Variants in WDR75 observed in about 807,000 individuals in gnomAD.
WDR75 encodes WD repeat-containing protein 75.
In WDR75, 52 loss-of-function variants were observed where a neutral mutation model predicts 106.1. The ratio of observed to expected loss-of-function variants is 0.49; its 90% confidence interval spans 0.39 to 0.62. The LOEUF (loss-of-function observed/expected upper bound fraction) is 0.62, where lower values mean the gene tolerates loss of function less well. Among genes scored for constraint, WDR75 ranks in the 20% least tolerant of loss-of-function variants. WDR75 has a pLI of 0.00. For synonymous variants in WDR75, 333 were observed against 335.5 expected (o/e 0.99, Z 0.08); for missense variants, 905 against 970.3 (o/e 0.93, Z 0.89).
chr2:189,470,908 A>G (rs756779071), intron 18 of WDR75, 30 bp downstream of exon 18: 80 of 1,540,718 alleles, frequency 5.2e-5, no homozygotes, highest in Non-Finnish European at 6.9e-5. Flanking sequence ...AGCAGGATGT[A>G]TTGCCTCCCT....
In WDR75 at chr2:189,470,830, A is replaced by G. The variant is rs146714129; in HGVS notation, c.2001A>G (p.Thr667=). 3.8e-6 allele frequency: 6 copies of G among 1,591,318 alleles called. No homozygotes were observed. The highest frequency in any genetic ancestry group is 5.1e-6 in the Non-Finnish European group (6 of 1,170,394). Residue 667 remains threonine (T), a synonymous_variant, in exon 18 of 21, where the codon ACA becomes ACG. Coordinates refer to ENST00000314761, the MANE Select transcript of WDR75 (RefSeq NM_032168.3). ...TTCTCTCTTTTCAGAGTTTATTGAC[A>G]TTCAGTACAAAGTCTCCAGAAGAAA... The part of the protein sequence containing the change: ...YFLTKSQSLL[T]FSTKSPEEKL...
chr2:189,465,029 GTATT>G, intron 11 of WDR75, 46 bp from the exon 12 acceptor site: 4 of 1,300,154 alleles, frequency 3.1e-6, no homozygotes, highest in Non-Finnish European at 4.3e-6. Context: ...TAACATTTGT[GTATT>G]TATGTTAATA....
chr2:189,457,247 A>C (rs947336163), intron 5 of WDR75, 64 bp from the exon 6 acceptor site: 80 of 1,213,826 alleles, frequency 6.6e-5, no homozygotes, highest in Non-Finnish European at 8.9e-5. Flanking sequence ...GTCTCAAAAA[A>C]AAAAGAAAAA....
At chr2:189,450,606 T>TA in intron 2 of WDR75, 1 of 1,165,406 alleles carries the variant, frequency 8.6e-7, no homozygotes, top group Non-Finnish European at 1.1e-6. Flanking sequence ...TGGCAGCCAC[T>TA]GCACCTTGGT....
intron 18 of WDR75, among the ~76,000 whole-genome samples, chr2:189,472,867 GTAT>G (rs760522174): frequency 4.0e-5 from 6 of 151,860 alleles, no homozygotes; most frequent in Non-Finnish European, 8.8e-5. Context: ...TGTATTATAT[GTAT>G]TATATACTGT....
intron 2 of WDR75, 53 bp downstream of exon 2, chr2:189,448,561 A>C: frequency 6.3e-7 from 1 of 1,580,008 alleles, no homozygotes. Context: ...TTCTTGACAG[A>C]AAAATTTGAG....
intron 1 of WDR75, 38 bp downstream of exon 1, chr2:189,441,616 G>C: frequency 6.5e-7 from 1 of 1,547,478 alleles, no homozygotes; most frequent in Non-Finnish European, 8.7e-7. Flanking sequence ...TGAGGGGCGG[G>C]GCGTGAGTTT....
At chr2:189,465,586 A>C (rs1462029676) in intron 12 of WDR75, among the ~76,000 whole-genome samples, 2 of 152,090 alleles carry the variant, frequency 1.3e-5, no homozygotes, top group Non-Finnish European at 2.9e-5. Context: ...GAAAAGAGGG[A>C]GTGTAGGTAG....
At chr2:189,453,792 T>C (rs1187643742) in intron 4 of WDR75, among the ~76,000 whole-genome samples, 1 of 148,700 alleles carries the variant, frequency 6.7e-6, no homozygotes, top group African/African-American at 2.4e-5. Flanking sequence ...ACATATATTA[T>C]ACATATATGT....
intron 8 of WDR75, 150 bp from the exon 9 acceptor site, chr2:189,462,334 A>G (rs997166573): frequency 4.8e-6 from 4 of 835,690 alleles, no homozygotes; most frequent in Non-Finnish European, 7.0e-6. Context: ...TTGTCTTCAG[A>G]GTATATTAAA....
intron 9 of WDR75, among the ~76,000 whole-genome samples, chr2:189,463,267 C>G (rs539565488): frequency 6.6e-6 from 1 of 152,118 alleles, no homozygotes; most frequent in African/African-American, 2.4e-5. Context: ...ATAGGCACAA[C>G]TGATAAAAAC....
intron 4 of WDR75, among the ~76,000 whole-genome samples, chr2:189,453,292 C>T (rs1456097544): frequency 6.6e-6 from 1 of 152,162 alleles, no homozygotes; most frequent in East Asian, 1.9e-4. Context: ...TGGTTGATCA[C>T]TAGGTTTGGG....
rs76761928 is a variant in WDR75, at chr2:189,467,541, C to T, written c.1521C>T (p.Ser507=). The change falls in exon 14 of 21, where the codon TCC becomes TCT. Residue 507 remains serine (S), a synonymous_variant. Coordinates refer to ENST00000314761, the MANE Select transcript of WDR75 (RefSeq NM_032168.3). ...HKYQATNCCF[S]EDGSLLAVSF... ...ATCAAGCAACTAACTGTTGTTTCTC[C>T]GAAGATGGTTCTTTACTAGCAGTTA... is the stretch of plus-strand genomic sequence containing the variant. 429 of 1,610,956 alleles carry T rather than the reference C, an allele frequency of 2.7e-4. 2 individuals are homozygous for T. The East Asian group carries it at 7.4e-3, about 28-fold the overall frequency.
rs1686527287 is a variant in WDR75, at chr2:189,447,570, C to G, written c.87-809C>G. 5.9e-5 allele frequency among the ~76,000 whole-genome samples: 9 copies of G among 152,180 alleles called. 1 individual carries two copies. Among genetic ancestry groups the G allele is most frequent in the Admixed American group, 5.2e-4 (8 of 15,280 alleles). On this transcript the variant is annotated intron_variant, in intron 1 of 20. Transcript: ENST00000314761. ...GAGTAATAGTTGATAGTGACTAGTA[C>G]AGTGTCTGCATCCATTTAATGAGCA...
intron 1 of WDR75, among the ~76,000 whole-genome samples, chr2:189,443,872 C>T (rs1430512772): frequency 6.6e-6 from 1 of 152,166 alleles, no homozygotes; most frequent in Non-Finnish European, 1.5e-5. Flanking sequence ...AAGACCAGTG[C>T]AGGCATCCAA....
At chr2:189,464,810 A>G (rs1015633532) in intron 11 of WDR75, among the ~76,000 whole-genome samples, 2 of 152,150 alleles carry the variant, frequency 1.3e-5, no homozygotes, top group Admixed American at 6.6e-5. Flanking sequence ...CTGTTGTATC[A>G]TATAGTGGGT....
intron 17 of WDR75, 104 bp from the exon 18 acceptor site, chr2:189,470,715 C>CAA (rs1269134264): frequency 2.5e-5 from 17 of 680,798 alleles, no homozygotes; most frequent in Non-Finnish European, 2.2e-6. Flanking sequence ...ATATATATAT[C>CAA]AAAGTGAAAA....
At chr2:189,444,009 G>A (rs550743600) in intron 1 of WDR75, among the ~76,000 whole-genome samples, 1 of 152,220 alleles carries the variant, frequency 6.6e-6, no homozygotes, top group East Asian at 1.9e-4. Flanking sequence ...TTAACTCTAA[G>A]GTACCTGTAA....
intron 9 of WDR75, among the ~76,000 whole-genome samples, chr2:189,463,319 T>C (rs1016897354): frequency 1.3e-5 from 2 of 152,162 alleles, no homozygotes; most frequent in Non-Finnish European, 2.9e-5. Flanking sequence ...CACCCCTAGA[T>C]TTTCCACTAA....
Sources: gnomAD v4.1 joint callset for allele counts (sites outside exome capture counted in the v4.1 genomes callset) on GRCh38, gnomAD v4.1.1 for gene constraint, MANE v1.5 for transcripts, NCBI Gene and HGNC (gene_info 2026-07-23, HGNC 2026-07-21) for gene names.